TAB2: variants seen among roughly 807,000 people sequenced by gnomAD.
The protein encoded by TAB2 is TGF-beta activated kinase 1 (MAP3K7) binding protein 2.
TAB2 carries 3 observed loss-of-function variants against 65.0 expected under a neutral mutation model. The observed-to-expected ratio is 0.05, with a 90% CI of 0.02 to 0.12. The LOEUF is 0.12. TAB2 is among the 10% of genes least tolerant of loss of function. The pLI, the probability that TAB2 is intolerant of heterozygous loss-of-function variation, is 1.00. For synonymous variants in TAB2, 298 were observed against 285.1 expected (o/e 1.05, Z -0.46); for missense variants, 623 against 840.3 (o/e 0.74, Z 3.20).
chr6:149,285,164 T>C (rs963614757), intron 1 of TAB2, among the ~76,000 whole-genome samples: 4 of 152,234 alleles, frequency 2.6e-5, no homozygotes, highest in Non-Finnish European at 4.4e-5. Context: ...TACATTCTCC[T>C]GGTTTGTTGG....
chr6:149,283,651 A>C (rs1207641179), intron 1 of TAB2, among the ~76,000 whole-genome samples: 4 of 152,168 alleles, frequency 2.6e-5, no homozygotes, highest in African/African-American at 9.7e-5. Context: ...CAGAGATTGC[A>C]GTGAGCCGAG....
intron 1 of TAB2, 31 bp from the exon 2 acceptor site, chr6:149,369,878 C>G: frequency 1.3e-6 from 1 of 788,030 alleles, no homozygotes; most frequent in South Asian, 1.5e-5. Flanking sequence ...ATAATCAGTT[C>G]TCATTAAAAT....
chr6:149,323,130 G>A (rs1779505365), intron 1 of TAB2, among the ~76,000 whole-genome samples: 1 of 151,986 alleles, frequency 6.6e-6, no homozygotes, highest in African/African-American at 2.4e-5. Context: ...AGCTCTTTTT[G>A]TAGTAAACTC....
chr6:149,337,253 T>C (rs569006450), intron 1 of TAB2, among the ~76,000 whole-genome samples: 25 of 32,770 alleles, frequency 7.6e-4, no homozygotes, highest in African/African-American at 2.1e-3. Context: ...TTCTTAGTAA[T>C]GTATATTTTA....
chr6:149,286,257 CA>C (rs1432610780), intron 1 of TAB2, among the ~76,000 whole-genome samples: 1 of 152,064 alleles, frequency 6.6e-6, no homozygotes, highest in Non-Finnish European at 1.5e-5. Flanking sequence ...AATATATGCA[CA>C]GAATATGAAA....
At position 149,409,969 on chromosome 6, in the gene TAB2, A is replaced by G. The variant is rs990861484; in HGVS notation, c.*250A>G. On this transcript the variant is annotated 3_prime_UTR_variant, in exon 7 of 7. Coordinates refer to ENST00000637181, the MANE Select transcript of TAB2 (RefSeq NM_001292034.3). ...GGTTGCCCACTGCCTAACTGTGTAC[A>G]GTGTTACCAGTGTCCCATTATGGAT... 3 of 543,362 alleles carry G rather than the reference A, an allele frequency of 5.5e-6. No homozygotes were observed. The highest frequency in any genetic ancestry group is 3.8e-5 in the African/African-American group (2 of 52,840). The allele number at this position is 543,362 out of a possible 1,614,324, so 33.7% of individuals were successfully genotyped here.
chr6:149,402,056 A>G (rs758304766), intron 6 of TAB2, among the ~76,000 whole-genome samples: 4 of 151,986 alleles, frequency 2.6e-5, no homozygotes, highest in South Asian at 4.1e-4. Flanking sequence ...AAGAACAACA[A>G]GCTAAGCCTA....
intron 1 of TAB2, among the ~76,000 whole-genome samples, chr6:149,354,904 A>AAT (rs998261624): frequency 6.6e-6 from 1 of 152,200 alleles, no homozygotes; most frequent in African/African-American, 2.4e-5. Context: ...TGCTTTGGCA[A>AAT]ATATATATAG....
At chr6:149,285,554 A>G (rs1227725679) in intron 1 of TAB2, among the ~76,000 whole-genome samples, 1 of 152,234 alleles carries the variant, frequency 6.6e-6, no homozygotes, top group Non-Finnish European at 1.5e-5. Flanking sequence ...ATAAGGTGTG[A>G]AAGAGGGAGA....
At chr6:149,275,244 G>GAAA (rs1554255833) in intron 1 of TAB2, among the ~76,000 whole-genome samples, 1 of 106,376 alleles carries the variant, frequency 9.4e-6, no homozygotes. Context: ...GAGAAAGAAA[G>GAAA]AAAGAAAGAA....
rs781138500 is a variant in TAB2 at position 149,379,414 on chromosome 6, C to A, written c.1499C>A (p.Thr500Asn). The A allele has an allele frequency of 6.2e-7, 1 of 1,614,122 alleles. No homozygotes were observed. Among genetic ancestry groups the A allele is most frequent in the Non-Finnish European group, 8.5e-7 (1 of 1,180,018 alleles). The change falls in exon 3 of 7, where the codon ACC (threonine) becomes AAC (asparagine). Residue 500 changes from threonine (T) to asparagine (N), a missense_variant. Transcript: ENST00000637181. ...LLNHPDHYVE[T>N]ENIQHLTDPT... is the part of the protein sequence containing the mutation. ...AATCATCCTGATCATTATGTAGAAA[C>A]CGAGAATATTCAGCACCTCACGGAC...
At chr6:149,403,829 C>G (rs1313226717) in intron 6 of TAB2, among the ~76,000 whole-genome samples, 1 of 152,046 alleles carries the variant, frequency 6.6e-6, no homozygotes, top group Non-Finnish European at 1.5e-5. Context: ...AGAGCAATAT[C>G]TCACTCATTA....
chr6:149,385,757 A>G (rs1781770961), intron 3 of TAB2, among the ~76,000 whole-genome samples: 2 of 152,134 alleles, frequency 1.3e-5, no homozygotes, highest in Admixed American at 1.3e-4. Flanking sequence ...ATGAGACACA[A>G]ACTGCCTCCT....
intron 1 of TAB2, chr6:149,246,290 G>C (rs527796452): frequency 1.3e-5 from 2 of 152,188 alleles, no homozygotes; most frequent in African/African-American, 4.8e-5. Context: ...GCTCCTAAAA[G>C]CAAATGGTCT....
chr6:149,326,619 C>T (rs755137353), intron 1 of TAB2, among the ~76,000 whole-genome samples: 11 of 151,626 alleles, frequency 7.3e-5, no homozygotes, highest in Non-Finnish European at 1.2e-4. Flanking sequence ...GCAATCTCAG[C>T]TCACTGCAAC....
intron 1 of TAB2, among the ~76,000 whole-genome samples, chr6:149,220,329 A>G (rs1196108064): frequency 6.6e-6 from 1 of 152,186 alleles, no homozygotes; most frequent in Non-Finnish European, 1.5e-5. Flanking sequence ...TTTTAAAAAG[A>G]TTAATTGCAA....
At chr6:149,228,892 C>T (rs570003318) in intron 1 of TAB2, among the ~76,000 whole-genome samples, 3 of 152,124 alleles carry the variant, frequency 2.0e-5, no homozygotes, top group South Asian at 4.1e-4. Flanking sequence ...AGTGCATGCA[C>T]GCATGTGCAC....
At chr6:149,237,052 C>A (rs1227760031) in intron 1 of TAB2, among the ~76,000 whole-genome samples, 1 of 152,068 alleles carries the variant, frequency 6.6e-6, no homozygotes, top group Non-Finnish European at 1.5e-5. Flanking sequence ...CATGGCGATC[C>A]CCTCCGTGGA....
chr6:149,309,210 A>G (rs1779124000), intron 1 of TAB2, among the ~76,000 whole-genome samples: 1 of 152,208 alleles, frequency 6.6e-6, no homozygotes, highest in East Asian at 1.9e-4. Flanking sequence ...TATCAAGATT[A>G]TGACAATCAT....
Sources: gnomAD v4.1 joint callset for allele counts (sites outside exome capture counted in the v4.1 genomes callset) on GRCh38, gnomAD v4.1.1 for gene constraint, MANE v1.5 for transcripts, NCBI Gene and HGNC (gene_info 2026-07-23, HGNC 2026-07-21) for gene names.